Variants in SF3A1 observed in about 807,000 individuals in gnomAD.
SF3A1 encodes the protein SAP 114.
SF3A1 carries 13 observed loss-of-function variants against 89.9 expected under a neutral mutation model. That is an observed-to-expected ratio of 0.14 (90% confidence interval 0.09 to 0.23). The LOEUF is 0.23. Among genes scored for constraint, SF3A1 ranks in the 10% least tolerant of loss-of-function variants. The probability of loss-of-function intolerance (pLI) is 1.00; values close to 1 mark genes in which losing one functional copy is unlikely to be tolerated. For missense variants in SF3A1, 604 were observed against 1,022.1 expected (o/e 0.59, Z 5.58); for synonymous variants, 405 against 374.4 (o/e 1.08, Z -0.94).
At chr22:30,343,461 G>C (rs892707631) in intron 4 of SF3A1, among the ~76,000 whole-genome samples, 5 of 152,210 alleles carry the variant, frequency 3.3e-5, no homozygotes, top group Admixed American at 6.5e-5. Flanking sequence ...TATACTTACT[G>C]AGAGAACAAA....
rs750869018 is a variant in SF3A1, at chr22:30,340,300, T to C, written c.1271A>G (p.Lys424Arg). The C allele has an allele frequency of 1.2e-6, 2 of 1,613,364 alleles. No individual in the cohort carries two copies. The highest frequency in any genetic ancestry group is 1.7e-6 in the Non-Finnish European group (2 of 1,179,798). ...TCCAATGCGCATGTGTTCCTGCATTTTGCTGGCGGGGATCTTCTCCCCAGT... is the reference window on the plus strand; with the variant it reads ...TCCAATGCGCATGTGTTCCTGCATTCTGCTGGCGGGGATCTTCTCCCCAGT... ...PITGEKIPASKMQEHMRIGLL... is the reference protein window; with the variant it reads ...PITGEKIPASRMQEHMRIGLL... Residue 424 changes from lysine to arginine, a missense_variant, in exon 9 of 16, where the codon AAA becomes AGA. By Grantham distance (26) the Lys-to-Arg change is conservative (BLOSUM62 2). This residue lies in a region of SF3A1 where 146 missense variants were observed against 228.5 expected (regional missense o/e 0.64). Coordinates refer to ENST00000215793, the MANE Select transcript of SF3A1 (RefSeq NM_005877.6).
intron 5 of SF3A1, 28 bp from the exon 6 acceptor site, chr22:30,342,378 T>TA (rs752049778): frequency 2.0e-5 from 31 of 1,573,622 alleles, no homozygotes; most frequent in Non-Finnish European, 3.4e-6. Flanking sequence ...AGCTTGGTGC[T>TA]ACGCTGAAGC....
intron 2 of SF3A1, among the ~76,000 whole-genome samples, chr22:30,347,009 G>A (rs549617881): frequency 1.3e-5 from 2 of 152,306 alleles, no homozygotes; most frequent in East Asian, 1.9e-4. Flanking sequence ...GTGCTGGAGA[G>A]GTGTAAAAGG....
chr22:30,341,875 A>G lies in SF3A1; in HGVS notation c.888T>C (p.Pro296=), dbSNP rs772436592. ...DFQPNEQGNF[P]PPTTPEELGA... ...CCAGCTCCTCTGGCGTGGTGGGGGG[A>G]GGGAAGTTCCCTAGAGGGTGAGCCA... Residue 296 remains proline (P), a synonymous_variant, in exon 7 of 16, where the codon CCT becomes CCC. Transcript: ENST00000215793. 6.2e-7 allele frequency: 1 copy of G among 1,612,158 alleles called. No individual in the cohort carries two copies. Among genetic ancestry groups the G allele is most frequent in the African/African-American group, 1.3e-5 (1 of 74,934 alleles).
In SF3A1 at chr22:30,346,433, T is replaced by A. The variant is rs757677903; in HGVS notation, c.272A>T (p.His91Leu). Residue 91 changes from histidine (H) to leucine (L), a missense_variant, in exon 3 of 16, where the codon CAT becomes CTT. By Grantham distance (99) the His-to-Leu change is moderately conservative. This residue lies in a region of SF3A1 where 162 missense variants were observed against 229.2 expected (regional missense o/e 0.71). Coordinates refer to ENST00000215793, the MANE Select transcript of SF3A1 (RefSeq NM_005877.6). ...GCTGACCTTGTGGCGGTAGTAGGCA[T>A]GGTAAGGGTCATTGGGGTTCAGAAA... ...FNFLNPNDPY[H>L]AYYRHKVSEF... The A allele has an allele frequency of 1.9e-6, 3 of 1,613,970 alleles. No individual in the cohort carries two copies. The highest frequency in any genetic ancestry group is 2.5e-6 in the Non-Finnish European group (3 of 1,180,010).
At chr22:30,348,870 A>G (rs1436352068) in intron 2 of SF3A1, among the ~76,000 whole-genome samples, 2 of 152,236 alleles carry the variant, frequency 1.3e-5, no homozygotes, top group Admixed American at 6.5e-5. Context: ...TGCCTAAGCC[A>G]TAACTTTACC....
At chr22:30,345,901 G>A (rs1931403037) in intron 3 of SF3A1, among the ~76,000 whole-genome samples, 1 of 152,170 alleles carries the variant, frequency 6.6e-6, no homozygotes, top group South Asian at 2.1e-4. Context: ...AGAAGAGATA[G>A]AAGGGAAGGG....
At chr22:30,340,989 C>A (rs1259491821) in intron 7 of SF3A1, among the ~76,000 whole-genome samples, 177 bp from the exon 8 acceptor site, 2 of 152,036 alleles carry the variant, frequency 1.3e-5, no homozygotes, top group South Asian at 4.1e-4. Flanking sequence ...TTCCTCACAG[C>A]ATGAATGGGA....
chr22:30,340,600 C>T, intron 8 of SF3A1, 95 bp downstream of exon 8: 1 of 889,260 alleles, frequency 1.1e-6, no homozygotes, highest in Non-Finnish European at 1.8e-6. Flanking sequence ...ATAAGCTGCA[C>T]CTCAAGCCCT....
Position 30,355,819 on chromosome 22 carries a change from C to CCCCA in SF3A1, c.63+910_63+911insTGGG, listed in dbSNP as rs1555980854. ...GCATGGCTTCTTCAGTCATGTTCCC[C>CCCCA]CCCCCCGCCCCCCTTATTCTGAACC... On this transcript the variant is annotated intron_variant, in intron 1 of 15. Transcript: ENST00000215793. 2.2e-3 allele frequency among the ~76,000 whole-genome samples: 239 copies of CCCCA among 108,026 alleles called. 7 individuals are homozygous for CCCCA. The highest frequency in any genetic ancestry group is 8.2e-3 in the African/African-American group (232 of 28,134). The allele number at this position is 108,026 out of a possible 152,430, so 70.9% of individuals were successfully genotyped here.
intron 2 of SF3A1, among the ~76,000 whole-genome samples, chr22:30,349,487 G>A (rs1931520936): frequency 6.6e-6 from 1 of 152,030 alleles, no homozygotes; most frequent in South Asian, 2.1e-4. Flanking sequence ...TCACTATGCT[G>A]GCCAGGCTGG....
chr22:30,337,129 G>A lies in SF3A1; in HGVS notation c.2003C>T (p.Pro668Leu), dbSNP rs777863109. Residue 668 changes from proline (P) to leucine (L), a missense_variant, in exon 13 of 16, where the codon CCC becomes CTC. Around this residue, in one of 9 missense-constraint regions of SF3A1, gnomAD observed 45 missense variants for 41.1 expected, o/e 1.09. Coordinates refer to ENST00000215793, the MANE Select transcript of SF3A1 (RefSeq NM_005877.6). ...CATGGGAGGTGGGGGATGCACAGGGGGCATTGGGGCTGGAGCTGGGACAGG... is the reference window on the plus strand; with the variant it reads ...CATGGGAGGTGGGGGATGCACAGGGAGCATTGGGGCTGGAGCTGGGACAGG... The part of the protein sequence containing the change: ...VAPVPAPAPM[P>L]PVHPPPPMED... 1.2e-6 allele frequency: 2 copies of A among 1,613,966 alleles called. No individual in the cohort carries two copies. The highest frequency in any genetic ancestry group is 1.1e-5 in the South Asian group (1 of 91,078).
chr22:30,339,030 G>A lies in SF3A1; in HGVS notation c.1502C>T (p.Thr501Ile), dbSNP rs1931166105. Residue 501 changes from threonine (T) to isoleucine (I), a missense_variant, in exon 11 of 16, where the codon ACC becomes ATC. Physicochemically the swap from Thr to Ile is moderately conservative, Grantham distance 89. Coordinates refer to ENST00000215793, the MANE Select transcript of SF3A1 (RefSeq NM_005877.6). ...EEIQKPEEKV[T>I]WDGHSGSMAR... ...CATGCTGCCTGAGTGGCCATCCCAG[G>A]TCACCTGCAAGTGAAAGCAAAGCCA... is the stretch of plus-strand genomic sequence containing the variant. 6.2e-7 allele frequency: 1 copy of A among 1,613,874 alleles called. No homozygotes were observed. Among genetic ancestry groups the A allele is most frequent in the Admixed American group, 1.7e-5 (1 of 60,004 alleles).
chr22:30,347,757 C>G (rs775342966), intron 2 of SF3A1, among the ~76,000 whole-genome samples: 2 of 152,236 alleles, frequency 1.3e-5, no homozygotes, highest in African/African-American at 4.8e-5. Flanking sequence ...AGTTACCAAA[C>G]TACTCTTTGC....
Position 30,340,498 on chromosome 22 carries a change from C to A in SF3A1, c.1190-117G>T, listed in dbSNP as rs992231844. 6 of 1,103,108 alleles carry A rather than the reference C, an allele frequency of 5.4e-6. No individual in the cohort carries two copies. In the Admixed American group the frequency reaches 6.2e-5, roughly 11 times the overall value. 68.3% of individuals were successfully genotyped at this position (1,103,108 alleles called of 1,614,324 possible). ...CATCTATTCAGTGCCACTCTTGTAC[C>A]TGGCACTGTGAAAGGCACTAGGGCA... On this transcript the variant is annotated intron_variant, in intron 8 of 15. Coordinates refer to ENST00000215793, the MANE Select transcript of SF3A1 (RefSeq NM_005877.6).
intron 3 of SF3A1, chr22:30,346,071 G>C (rs545327175): frequency 3.7e-6 from 2 of 534,130 alleles, no homozygotes; most frequent in East Asian, 6.5e-5. Flanking sequence ...CCTCTGTGAG[G>C]AGTCAATGAG....
chr22:30,348,247 T>C (rs1931479092), intron 2 of SF3A1, among the ~76,000 whole-genome samples: 1 of 152,190 alleles, frequency 6.6e-6, no homozygotes, highest in South Asian at 2.1e-4. Context: ...GAGAACCTTG[T>C]ACTTAGAACT....
rs374460216 is a variant in SF3A1, at chr22:30,340,789, C to T, written c.1095G>A (p.Gly365=). Residue 365 remains glycine, a synonymous_variant, in exon 8 of 16, where the codon GGG becomes GGA. Transcript: ENST00000215793. ...MDEGSDDEEE[G]QKVPPPPETP... ...TCTCTGGGGGTGGGGGCACTTTCTG[C>T]CCTTCTTCTTCATCATCTGAACCCT... 17 of 1,591,166 alleles carry T rather than the reference C, an allele frequency of 1.1e-5. No individual in the cohort carries two copies. The highest frequency in any genetic ancestry group is 1.5e-5 in the Non-Finnish European group (17 of 1,168,282).
In SF3A1 at chr22:30,345,032, C is replaced by T. The variant is rs138309273; in HGVS notation, c.552G>A (p.Gln184=). The change falls in exon 4 of 16, where the codon CAG becomes CAA. Residue 184 remains glutamine (Q), a synonymous_variant. Transcript: ENST00000215793. ...AGTTGCGCTGCTCTTTCTGCATCAG[C>T]TGGGTCAGAAACTGGCGCCCATTCC... The part of the protein sequence containing the change: ...VARNGRQFLT[Q]LMQKEQRNYQ... 8 of 1,614,242 alleles carry T rather than the reference C, an allele frequency of 5.0e-6. No homozygotes were observed. In the East Asian group the frequency reaches 1.8e-4, roughly 36 times the overall value.
Sources: allele counts gnomAD v4.1 joint callset (sites outside exome capture counted in the v4.1 genomes callset), GRCh38; gene constraint gnomAD v4.1.1; regional missense constraint gnomAD v4.1.1; transcripts MANE v1.5; gene names NCBI Gene and HGNC (gene_info 2026-07-23, HGNC 2026-07-21).